MYO3B: variants seen among roughly 807,000 people sequenced by gnomAD.
The protein encoded by MYO3B is myosin-IIIb.
Under a neutral mutation model 174.6 loss-of-function variants are expected in MYO3B, and 156 were observed. That is an observed-to-expected ratio of 0.89 (90% CI 0.78 to 1.02). The LOEUF (loss-of-function observed/expected upper bound fraction) is 1.02, where lower values mean the gene tolerates loss of function less well. Ranked by LOEUF, MYO3B falls within the 50% of genes least tolerant of loss-of-function variation. The probability of loss-of-function intolerance (pLI) is 0.00; values close to 1 mark genes in which losing one functional copy is unlikely to be tolerated. For missense variants in MYO3B, 1,632 were observed against 1,639.4 expected, an observed-to-expected ratio of 1.00 and a Z score of 0.08; for synonymous variants, 563 against 569.1, an observed-to-expected ratio of 0.99 and a Z score of 0.15.
chr2:170,360,050 T>C (rs368074974), intron 8 of MYO3B, among the ~76,000 whole-genome samples: 3 of 152,218 alleles, frequency 2.0e-5, no homozygotes, highest in African/African-American at 7.2e-5. Context: ...ATGAATATAA[T>C]GTCTTCTGTT....
chr2:170,423,579 CA>C (rs1443280528), intron 22 of MYO3B, among the ~76,000 whole-genome samples: 4 of 127,612 alleles, frequency 3.1e-5, no homozygotes, highest in Non-Finnish European at 6.5e-5. Flanking sequence ...AGAGTTTCAG[CA>C]AAAGCTTTTT....
At chr2:170,551,572 G>C (rs1690920707) in intron 32 of MYO3B, among the ~76,000 whole-genome samples, 1 of 143,190 alleles carries the variant, frequency 7.0e-6, no homozygotes, top group African/African-American at 2.6e-5. Flanking sequence ...AAAAAATCTA[G>C]GCAAGGCCAA....
chr2:170,466,727 A>G lies in MYO3B; in HGVS notation c.3014+16A>G. 6.2e-7 allele frequency: 1 copy of G among 1,611,990 alleles called. No homozygotes were observed. The highest frequency in any genetic ancestry group is 8.5e-7 in the Non-Finnish European group (1 of 1,178,442). ...TTGTGAAAAGGTCAGACCGTCATCTACGGGAATGCATTCTTATAAATGTAG... is the reference window on the plus strand; with the variant it reads ...TTGTGAAAAGGTCAGACCGTCATCTGCGGGAATGCATTCTTATAAATGTAG... On this transcript the variant is annotated intron_variant, in intron 25 of 34. Coordinates refer to ENST00000408978, the MANE Select transcript of MYO3B (RefSeq NM_138995.5).
intron 3 of MYO3B, among the ~76,000 whole-genome samples, chr2:170,213,192 G>A (rs541387047): frequency 2.7e-4 from 41 of 152,274 alleles, no homozygotes; most frequent in Admixed American, 1.6e-3. Context: ...ACAAGCCGCA[G>A]ACAAAACTCC....
chr2:170,300,900 A>G (rs2093661257), intron 7 of MYO3B, among the ~76,000 whole-genome samples: 1 of 152,220 alleles, frequency 6.6e-6, no homozygotes, highest in African/African-American at 2.4e-5. Context: ...AAGATGAAAC[A>G]GATTTCTGTA....
intron 25 of MYO3B, among the ~76,000 whole-genome samples, chr2:170,493,643 A>C (rs765870735): frequency 2.0e-5 from 3 of 152,192 alleles, no homozygotes; most frequent in Non-Finnish European, 4.4e-5. Context: ...ACTCACTTCT[A>C]AGGAATCGAA....
At chr2:170,474,534 G>A (rs1055332926) in intron 25 of MYO3B, among the ~76,000 whole-genome samples, 1 of 151,318 alleles carries the variant, frequency 6.6e-6, no homozygotes, top group Non-Finnish European at 1.5e-5. Flanking sequence ...GTCGGGAGTT[G>A]AAGACCAGCC....
chr2:170,623,342 CAT>C lies in MYO3B; in HGVS notation c.3734-28283_3734-28282del, dbSNP rs1260842841. On this transcript the variant is annotated intron_variant, in intron 32 of 34. Transcript: ENST00000408978. ...TGGCCAGTGATGATGAGCATTTTTT[CAT>C]ATGTTTGTTGGCTGCATAAATGTCT... is the stretch of plus-strand genomic sequence containing the variant. Among the ~76,000 whole-genome samples the C allele has an allele frequency of 2.6e-5, 4 of 152,176 alleles. No homozygotes were observed. The East Asian group carries it at 5.8e-4, about 22-fold the overall frequency.
rs142414223 is a variant in MYO3B at position 170,254,350 on chromosome 2, G to T, written c.749+18214G>T. On this transcript the variant is annotated intron_variant, in intron 7 of 34. Coordinates refer to ENST00000408978, the MANE Select transcript of MYO3B (RefSeq NM_138995.5). ...ACACCGTAGACGCCCACCCGCAAAG[G>T]CTCTCCATCTTACTCTGAATGACCA... 5.9e-5 allele frequency among the ~76,000 whole-genome samples: 9 copies of T among 152,222 alleles called. No individual in the cohort carries two copies. The East Asian group carries it at 1.7e-3, about 29-fold the overall frequency.
chr2:170,249,024 T>C (rs986442764), intron 7 of MYO3B, among the ~76,000 whole-genome samples: 3 of 152,254 alleles, frequency 2.0e-5, no homozygotes, highest in African/African-American at 4.8e-5. Flanking sequence ...ATCTAGTTCT[T>C]CTTTGGCCAC....
intron 6 of MYO3B, among the ~76,000 whole-genome samples, chr2:170,222,892 G>A (rs1461184900): frequency 6.6e-6 from 1 of 152,048 alleles, no homozygotes; most frequent in Non-Finnish European, 1.5e-5. Flanking sequence ...AGGGCTGCAG[G>A]TTATAGATGC....
In MYO3B at chr2:170,533,913, G is replaced by A. The variant is rs375589730; in HGVS notation, c.3576-8993G>A. Among the ~76,000 whole-genome samples the A allele has an allele frequency of 6.3e-4, 96 of 152,262 alleles. No homozygotes were observed. In the South Asian group the frequency reaches 0.02, roughly 31 times the overall value. On this transcript the variant is annotated intron_variant, in intron 30 of 34. Transcript: ENST00000408978. ...TATTTTGCTGATGAAGAAGGGGAGAGGTGATTTGCCCAAGTTAGAGTTGCC... is the reference window on the plus strand; with the variant it reads ...TATTTTGCTGATGAAGAAGGGGAGAAGTGATTTGCCCAAGTTAGAGTTGCC...
intron 6 of MYO3B, among the ~76,000 whole-genome samples, chr2:170,230,635 A>C (rs1334181989): frequency 1.3e-5 from 2 of 152,106 alleles, no homozygotes; most frequent in African/African-American, 4.8e-5. Context: ...AGACAAAAAA[A>C]CATAAAATTC....
At chr2:170,580,658 CA>C (rs1693074955) in intron 32 of MYO3B, among the ~76,000 whole-genome samples, 1 of 149,212 alleles carries the variant, frequency 6.7e-6, no homozygotes, top group Non-Finnish European at 1.5e-5. Context: ...CAAAAGAAAA[CA>C]AAATATAAAA....
At chr2:170,319,187 C>T (rs1429276634) in intron 7 of MYO3B, among the ~76,000 whole-genome samples, 1 of 152,108 alleles carries the variant, frequency 6.6e-6, no homozygotes, top group South Asian at 2.1e-4. Context: ...GAGTTAGGCA[C>T]TTGTAGTATT....
Position 170,264,350 on chromosome 2 carries a change from A to C in MYO3B, c.749+28214A>C, listed in dbSNP as rs140237356. ...AGGGTAGTTGGATTTCCTATGTGGC[A>C]GTCATCATCCAAGAGGGTCCTCTCC... On this transcript the variant is annotated intron_variant, in intron 7 of 34. Transcript: ENST00000408978. Among the ~76,000 whole-genome samples, 168 of 152,308 alleles carry C rather than the reference A, an allele frequency of 1.1e-3. No homozygotes were observed. The Middle Eastern group carries it at 0.02, about 19-fold the overall frequency.
At chr2:170,313,297 T>C (rs1024328886) in intron 7 of MYO3B, among the ~76,000 whole-genome samples, 8 of 152,220 alleles carry the variant, frequency 5.3e-5, no homozygotes, top group African/African-American at 1.9e-4. Context: ...ATGGATTATG[T>C]GAGGCATGTA....
intron 29 of MYO3B, among the ~76,000 whole-genome samples, chr2:170,519,189 T>A (rs1397858696): frequency 6.6e-6 from 1 of 152,126 alleles, no homozygotes; most frequent in African/African-American, 2.4e-5. Flanking sequence ...TTATATCTAT[T>A]GCCAGAGAGA....
intron 7 of MYO3B, among the ~76,000 whole-genome samples, chr2:170,321,611 T>C (rs2093826890): frequency 6.6e-6 from 1 of 152,200 alleles, no homozygotes; most frequent in South Asian, 2.1e-4. Context: ...TGCAGCATTA[T>C]TCACTAGTCA....
Sources: allele counts gnomAD v4.1 joint callset (sites outside exome capture counted in the v4.1 genomes callset), GRCh38; gene constraint gnomAD v4.1.1; transcripts MANE v1.5; gene names NCBI Gene and HGNC (gene_info 2026-07-23, HGNC 2026-07-21).